LYST: variants seen among roughly 807,000 people sequenced by gnomAD.
LYST encodes the protein lysosomal-trafficking regulator.
Under a neutral mutation model 413.6 loss-of-function variants are expected in LYST, and 192 were observed. The observed-to-expected ratio is 0.46, with a 90% CI of 0.41 to 0.52. The LOEUF (loss-of-function observed/expected upper bound fraction) is 0.52, where lower values mean the gene tolerates loss of function less well. LYST is among the 20% of genes least tolerant of loss of function. LYST has a pLI of 0.00. For missense variants in LYST, 3,815 were observed against 4,499.9 expected (o/e 0.85, Z 4.35); for synonymous variants, 1,525 against 1,567.3 (o/e 0.97, Z 0.64).
At chr1:235,761,593 T>G (rs965516672) in intron 22 of LYST, among the ~76,000 whole-genome samples, 1 of 152,086 alleles carries the variant, frequency 6.6e-6, no homozygotes, top group Non-Finnish European at 1.5e-5. Flanking sequence ...TTCAGCAGTA[T>G]GACAATGGTT....
At chr1:235,685,062 C>G (rs1660101323) in intron 48 of LYST, among the ~76,000 whole-genome samples, 1 of 152,180 alleles carries the variant, frequency 6.6e-6, no homozygotes, top group Admixed American at 6.5e-5. Context: ...TTTGCCACCC[C>G]CCAAAATCCC....
intron 1 of LYST, among the ~76,000 whole-genome samples, chr1:235,860,011 C>T (rs1370086622): frequency 1.3e-5 from 2 of 152,108 alleles, no homozygotes; most frequent in African/African-American, 2.4e-5. Context: ...TTTCTAATTA[C>T]AAATCACTAA....
At position 235,781,169 on chromosome 1, in the gene LYST, A is replaced by G. The variant is rs1395393742; in HGVS notation, c.5024-114T>C. 5 of 708,780 alleles carry G rather than the reference A, an allele frequency of 7.1e-6. No homozygotes were observed. In the Admixed American group the frequency reaches 7.8e-5, roughly 11 times the overall value. The allele number at this position is 708,780 out of a possible 1,614,324, so 43.9% of individuals were successfully genotyped here. ...AGCCAGATTCTTTCAGTTGTTCACT[A>G]TATTTTATAAAATTGATAAAGCCTC... On this transcript the variant is annotated intron_variant, in intron 15 of 52. Coordinates refer to ENST00000389793, the MANE Select transcript of LYST (RefSeq NM_000081.4).
chr1:235,758,822 TTC>T (rs1462739520), intron 23 of LYST, 148 bp downstream of exon 23: 6 of 695,582 alleles, frequency 8.6e-6, no homozygotes, highest in Admixed American at 2.8e-5. Context: ...AAATATATCT[TTC>T]TGTTTGTTAT....
Position 235,686,921 on chromosome 1 carries a change from A to C in LYST, c.10800+28T>G. The C allele has an allele frequency of 6.5e-7, 1 of 1,537,638 alleles. No homozygotes were observed. The highest frequency in any genetic ancestry group is 1.7e-5 in the Admixed American group (1 of 59,906). On this transcript the variant is annotated intron_variant, in intron 48 of 52. Coordinates refer to ENST00000389793, the MANE Select transcript of LYST (RefSeq NM_000081.4). The surrounding 1 kb of genome is among the most constrained non-coding windows in gnomAD (Gnocchi z 4.0). ...CTTCCCCTCATTGACAAAGTCCCAT[A>C]CTACCCACACAGAAGCCCAGAACCT...
chr1:235,662,848 C>A lies in LYST; in HGVS notation c.*92G>T. ...TATTTGGATGGTTTGTCCAGTCATCCATTTCTTTAGGTTCAACCTCCTAAA... is the reference window on the plus strand; with the variant it reads ...TATTTGGATGGTTTGTCCAGTCATCAATTTCTTTAGGTTCAACCTCCTAAA... On this transcript the variant is annotated 3_prime_UTR_variant, in exon 53 of 53. Coordinates refer to ENST00000389793, the MANE Select transcript of LYST (RefSeq NM_000081.4). 1.3e-6 allele frequency: 1 copy of A among 798,320 alleles called. No homozygotes were observed. Among genetic ancestry groups the A allele is most frequent in the South Asian group, 1.3e-5 (1 of 74,466 alleles). 49.5% of individuals were successfully genotyped at this position (798,320 alleles called of 1,614,324 possible).
At chr1:235,790,209 T>C (rs888390237) in intron 12 of LYST, among the ~76,000 whole-genome samples, 3 of 152,186 alleles carry the variant, frequency 2.0e-5, no homozygotes, top group Non-Finnish European at 4.4e-5. Flanking sequence ...TACATTGAGA[T>C]TGCCTCCATT....
At chr1:235,761,007 A>G (rs1185208463) in intron 22 of LYST, among the ~76,000 whole-genome samples, 1 of 152,202 alleles carries the variant, frequency 6.6e-6, no homozygotes, top group African/African-American at 2.4e-5. Context: ...TAATCTCAGC[A>G]CTTTGGGAGG....
intron 50 of LYST, among the ~76,000 whole-genome samples, chr1:235,670,821 G>A (rs1356301240): frequency 2.0e-5 from 3 of 152,166 alleles, no homozygotes; most frequent in Non-Finnish European, 4.4e-5. Flanking sequence ...GGGAAAGGGT[G>A]CAAGAAATCT....
intron 39 of LYST, among the ~76,000 whole-genome samples, chr1:235,723,826 A>G (rs1270079239): frequency 6.6e-6 from 1 of 152,208 alleles, no homozygotes; most frequent in African/African-American, 2.4e-5. Flanking sequence ...TACTCCTTTC[A>G]GTCATTTTGG....
Position 235,664,333 on chromosome 1 carries a change from A to G in LYST, c.11195+132T>C. On this transcript the variant is annotated intron_variant, in intron 51 of 52. Coordinates refer to ENST00000389793, the MANE Select transcript of LYST (RefSeq NM_000081.4). This position sits in a 1 kb window ranked among gnomAD's most constrained non-coding sequence, Gnocchi z 4.5. ...AGAAATAAAACAGGAATAACTAAAG[A>G]ACCTACACCCCAAGGTGAGTTTAAA... 1 of 825,550 alleles carries G rather than the reference A, an allele frequency of 1.2e-6. No homozygotes were observed. The highest frequency in any genetic ancestry group is 2.6e-5 in the Admixed American group (1 of 39,022). 51.1% of individuals were successfully genotyped at this position (825,550 alleles called of 1,614,324 possible).
At chr1:235,867,991 T>C (rs1188312234), upstream of LYST, among the ~76,000 whole-genome samples, 5 of 152,204 alleles carry the variant, frequency 3.3e-5, no homozygotes, top group Non-Finnish European at 7.3e-5. Flanking sequence ...AACTCCCATC[T>C]AACCCAATGA....
chr1:235,847,415 A>G (rs1678007010), intron 1 of LYST, among the ~76,000 whole-genome samples: 1 of 152,178 alleles, frequency 6.6e-6, no homozygotes, highest in African/African-American at 2.4e-5. Flanking sequence ...ACACATCAAA[A>G]CAGAACCTCT....
intron 1 of LYST, among the ~76,000 whole-genome samples, chr1:235,846,244 G>A (rs919888081): frequency 6.6e-6 from 1 of 152,114 alleles, no homozygotes; most frequent in Non-Finnish European, 1.5e-5. Flanking sequence ...AGGGAGACTC[G>A]CTGGGTGGCT....
intron 3 of LYST, among the ~76,000 whole-genome samples, chr1:235,819,936 G>A (rs944881903): frequency 6.6e-6 from 1 of 152,122 alleles, no homozygotes; most frequent in African/African-American, 2.4e-5. Context: ...GTGAGCCACC[G>A]CGCCCAGCCA....
intron 1 of LYST, among the ~76,000 whole-genome samples, chr1:235,847,057 C>T (rs1039919352): frequency 2.0e-5 from 3 of 152,112 alleles, no homozygotes; most frequent in South Asian, 2.1e-4. Context: ...AAAAGATCTT[C>T]GCGTAGGCAC....
chr1:235,817,837 C>G (rs1272195429), intron 3 of LYST, among the ~76,000 whole-genome samples: 2 of 151,986 alleles, frequency 1.3e-5, no homozygotes, highest in Admixed American at 6.6e-5. Context: ...TATAACAAAC[C>G]TGCAAATGCA....
rs554536907 is a variant in LYST, at chr1:235,672,918, C to T, written c.11038+4173G>A. ...TTTAGTCTGTCTTCCACCCTTTACT[C>T]ACTCCCTCAAGACTCAAAGCCTCCT... On this transcript the variant is annotated intron_variant, in intron 50 of 52. Coordinates refer to ENST00000389793, the MANE Select transcript of LYST (RefSeq NM_000081.4). Among the ~76,000 whole-genome samples the T allele has an allele frequency of 1.1e-4, 16 of 152,290 alleles. 1 individual carries two copies. In the South Asian group the frequency reaches 3.1e-3, roughly 30 times the overall value.
intron 20 of LYST, among the ~76,000 whole-genome samples, chr1:235,769,316 T>C (rs1572200315): frequency 6.6e-6 from 1 of 151,892 alleles, no homozygotes; most frequent in East Asian, 1.9e-4. Context: ...GGGAAAGAAA[T>C]CCAGGGAGGC....
Sources: allele counts gnomAD v4.1 joint callset (sites outside exome capture counted in the v4.1 genomes callset), GRCh38; gene constraint gnomAD v4.1.1; non-coding constraint Gnocchi (gnomAD v3.1); transcripts MANE v1.5; gene names NCBI Gene and HGNC (gene_info 2026-07-23, HGNC 2026-07-21).